SMARCD2: variants seen among roughly 807,000 people sequenced by gnomAD.
SMARCD2 encodes the protein SWI/SNF related BAF chromatin remodeling complex subunit D2, also known as SWI/SNF-related matrix-associated actin-dependent regulator of chromatin subfamily D member 2.
In SMARCD2, 39 loss-of-function variants were observed where a neutral mutation model predicts 70.4. The observed-to-expected ratio is 0.55, with a 90% CI of 0.43 to 0.72. SMARCD2 has a LOEUF of 0.72. SMARCD2 is among the 30% of genes least tolerant of loss of function. The pLI is 0.00. For synonymous variants in SMARCD2, 249 were observed against 279.4 expected (o/e 0.89, Z 1.08); for missense variants, 540 against 713.4 (o/e 0.76, Z 2.77).
In SMARCD2 at chr17:63,833,242, G is replaced by A; in HGVS notation, c.1440+56C>T. 6.2e-7 allele frequency: 1 copy of A among 1,612,860 alleles called. No homozygotes were observed. Among genetic ancestry groups the A allele is most frequent in the Non-Finnish European group, 8.5e-7 (1 of 1,178,948 alleles). On this transcript the variant is annotated intron_variant, in intron 11 of 12. Transcript: ENST00000448276. The surrounding 1 kb of genome is among the most constrained non-coding windows in gnomAD (Gnocchi z 4.3). ...GCTAATCCACCCTGGGAACTGCTGT[G>A]GGTAAAAATCACCCAGAGCTTTACA...
chr17:63,835,175 G>T (rs1445691742), intron 5 of SMARCD2: 1 of 551,174 alleles, frequency 1.8e-6, no homozygotes, highest in Non-Finnish European at 3.2e-6. Flanking sequence ...CCAGGCTGAA[G>T]TGCAGTGGTG....
Position 63,834,936 on chromosome 17 carries a change from A to AGCAGGACTCTGGGCAGACTGGAG in SMARCD2, c.724-159_724-137dup, listed in dbSNP as rs2040245960. Reference sequence around the variant, plus strand: ...AGATTCCTGGGCCCTGAAGGATGGAAGCAGGACTCTGGGCAGACTGGAGGC... The same window carrying AGCAGGACTCTGGGCAGACTGGAG: ...AGATTCCTGGGCCCTGAAGGATGGAAGCAGGACTCTGGGCAGACTGGAGGCAGGACTCTGGGCAGACTGGAGGC... On this transcript the variant is annotated intron_variant, in intron 5 of 12. Transcript: ENST00000448276. This position sits in a 1 kb window ranked among gnomAD's most constrained non-coding sequence, Gnocchi z 5.6. The AGCAGGACTCTGGGCAGACTGGAG allele has an allele frequency of 9.3e-5, 62 of 664,720 alleles. No homozygotes were observed. In the South Asian group the frequency reaches 1.1e-3, roughly 12 times the overall value. The allele number at this position is 664,720 out of a possible 1,614,324, so 41.2% of individuals were successfully genotyped here. A position where few individuals can be genotyped will look rare whatever the true frequency, so the allele number is the denominator to read the frequency against.
At position 63,832,838 on chromosome 17, in the gene SMARCD2, G is replaced by T; in HGVS notation, c.*100C>A. 1.0e-6 allele frequency: 1 copy of T among 955,136 alleles called. No homozygotes were observed. Among genetic ancestry groups the T allele is most frequent in the Non-Finnish European group, 1.7e-6 (1 of 605,614 alleles). The allele number at this position is 955,136 out of a possible 1,614,324, so 59.2% of individuals were successfully genotyped here. On this transcript the variant is annotated 3_prime_UTR_variant, in exon 13 of 13. Coordinates refer to ENST00000448276, the MANE Select transcript of SMARCD2 (RefSeq NM_001098426.2). ...AGCTGGAGAGTAGAGGGTGACAGCA[G>T]ACACTCCTCACCCCAGCCTACGTGT...
intron 1 of SMARCD2, chr17:63,838,655 C>A: frequency 6.7e-7 from 1 of 1,482,266 alleles, no homozygotes; most frequent in South Asian, 1.3e-5. Context: ...ATCTGGGAGT[C>A]ACCTCCACCC....
At chr17:63,842,394 A>G (rs1904503457) in intron 1 of SMARCD2, 65 bp downstream of exon 1, 3 of 1,268,326 alleles carry the variant, frequency 2.4e-6, no homozygotes, top group Admixed American at 4.1e-5. Context: ...AGGCCCCTTC[A>G]GCCGCCGGCC....
rs796896866 is a variant in SMARCD2, at chr17:63,832,493, G to C, written c.*445C>G. 6 of 214,420 alleles carry C rather than the reference G, an allele frequency of 2.8e-5. No individual in the cohort carries two copies. Among genetic ancestry groups the C allele is most frequent in the African/African-American group, 1.2e-4 (5 of 43,028 alleles). The allele number at this position is 214,420 out of a possible 1,614,324, so 13.3% of individuals were successfully genotyped here. A position where few individuals can be genotyped will look rare whatever the true frequency, so the allele number is the denominator to read the frequency against. On this transcript the variant is annotated 3_prime_UTR_variant, in exon 13 of 13. Transcript: ENST00000448276. ...AGGAAAGGAAAAAACCAGCAGCAAG[G>C]CTGGGCTTGTAGGAATGGCAAAGAA...
In SMARCD2 at chr17:63,834,980, TGC is replaced by T. The variant is rs1244906883; in HGVS notation, c.724-182_724-181del. ...TGGAGGCAGGGAAATGGTGCCCTCT[TGC>T]AGCCCACGAGGGACTTCCTCGAGAC... On this transcript the variant is annotated intron_variant, in intron 5 of 12. Transcript: ENST00000448276. The surrounding 1 kb of genome is among the most constrained non-coding windows in gnomAD (Gnocchi z 5.6). 114 of 600,368 alleles carry T rather than the reference TGC, an allele frequency of 1.9e-4. No homozygotes were observed. Among genetic ancestry groups the T allele is most frequent in the Middle Eastern group, 8.8e-4 (2 of 2,272 alleles). 37.2% of individuals were successfully genotyped at this position (600,368 alleles called of 1,614,324 possible).
At position 63,832,667 on chromosome 17, in the gene SMARCD2, A is replaced by C. The variant is rs1598356340; in HGVS notation, c.*271T>G. 1.1e-5 allele frequency: 6 copies of C among 540,666 alleles called. No homozygotes were observed. The East Asian group carries it at 1.6e-4, about 14-fold the overall frequency. 33.5% of individuals were successfully genotyped at this position (540,666 alleles called of 1,614,324 possible). On this transcript the variant is annotated 3_prime_UTR_variant, in exon 13 of 13. Transcript: ENST00000448276. The stretch of plus-strand genomic sequence containing the variant: ...GGTTCGGAAATGTCTTACAATGTCA[A>C]AGCACAGCCTCCAGCAGTCCTACTT...
Position 63,833,492 on chromosome 17 carries a change from C to T in SMARCD2, c.1318-72G>A. On this transcript the variant is annotated intron_variant, in intron 10 of 12. Coordinates refer to ENST00000448276, the MANE Select transcript of SMARCD2 (RefSeq NM_001098426.2). The surrounding 1 kb of genome is among the most constrained non-coding windows in gnomAD (Gnocchi z 4.3). The stretch of plus-strand genomic sequence containing the variant: ...AAGCAACTGAGCCAGAGTTCCCATC[C>T]CGTCCTCCAGGTGCTACATGTATGG... 1 of 1,609,410 alleles carries T rather than the reference C, an allele frequency of 6.2e-7. No homozygotes were observed. Among genetic ancestry groups the T allele is most frequent in the South Asian group, 1.1e-5 (1 of 90,708 alleles).
chr17:63,842,517 C>G lies in SMARCD2; in HGVS notation c.158G>C (p.Gly53Ala). ...RGPGPAGGVGGPGAAAFRPMG... is the reference protein window; with the variant it reads ...RGPGPAGGVGAPGAAAFRPMG... ...GGGGCGGAAGGCGGCGGCCCCGGGG[C>G]CCCCCACGCCTCCTGCCGGACCCGG... Residue 53 changes from glycine to alanine, a missense_variant, in exon 1 of 13, where the codon GGC (glycine) becomes GCC (alanine). Transcript: ENST00000448276. 1 of 1,224,074 alleles carries G rather than the reference C, an allele frequency of 8.2e-7. No individual in the cohort carries two copies. Among genetic ancestry groups the G allele is most frequent in the Admixed American group, 4.4e-5 (1 of 22,866 alleles). The allele number at this position is 1,224,074 out of a possible 1,614,324, so 75.8% of individuals were successfully genotyped here.
intron 1 of SMARCD2, 129 bp downstream of exon 1, chr17:63,842,330 C>A: frequency 8.4e-7 from 1 of 1,184,700 alleles, no homozygotes; most frequent in South Asian, 2.4e-5. Flanking sequence ...GGGTCCCGGC[C>A]CGCCCTCCAC....
Position 63,833,394 on chromosome 17 carries a change from G to A in SMARCD2, c.1344C>T (p.Asn448=). ...VKIHETIESI[N]QLKTQRDFML... ...TGAAATCTCTCTGGGTCTTCAGCTG[G>A]TTGATGGACTCAATGGTCTCATGGA... Residue 448 remains asparagine, a synonymous_variant, in exon 11 of 13, where the codon AAC becomes AAT. Transcript: ENST00000448276. The surrounding 1 kb of genome is among the most constrained non-coding windows in gnomAD (Gnocchi z 4.3). 1 of 1,614,052 alleles carries A rather than the reference G, an allele frequency of 6.2e-7. No homozygotes were observed. The highest frequency in any genetic ancestry group is 8.5e-7 in the Non-Finnish European group (1 of 1,179,930).
At position 63,835,570 on chromosome 17, in the gene SMARCD2, A is replaced by G. The variant is rs2040255240; in HGVS notation, c.568-3T>C. The G allele has an allele frequency of 6.2e-6, 10 of 1,613,304 alleles. No individual in the cohort carries two copies. Among genetic ancestry groups the G allele is most frequent in the Non-Finnish European group, 8.5e-6 (10 of 1,179,612 alleles). ...TAGATCCGAAGCTTTCGCTTTTGCT[A>G]AAGAGAGAAAGGCAATCACAACTGG... On this transcript the variant is annotated splice_region_variant and splice_polypyrimidine_tract_variant and intron_variant, in intron 4 of 12. Transcript: ENST00000448276.
At chr17:63,838,285 A>G (rs1004362184) in intron 1 of SMARCD2, among the ~76,000 whole-genome samples, 5 of 151,932 alleles carry the variant, frequency 3.3e-5, no homozygotes, top group Admixed American at 2.6e-4. Context: ...GGTATCACAT[A>G]GCCCCCACCC....
At chr17:63,839,443 G>A (rs2144637877) in intron 1 of SMARCD2, among the ~76,000 whole-genome samples, 1 of 152,230 alleles carries the variant, frequency 6.6e-6, no homozygotes, top group Non-Finnish European at 1.5e-5. Flanking sequence ...ATCTGCTCCA[G>A]GTTTCCTGGG....
Position 63,837,272 on chromosome 17 carries a change from G to C in SMARCD2, c.402-35C>G. ...ACAGAAACCCACTTAAGAGGTCAATGGTCCAAAAAAGGACACTCACTCCCA... is the reference window on the plus strand; with the variant it reads ...ACAGAAACCCACTTAAGAGGTCAATCGTCCAAAAAAGGACACTCACTCCCA... On this transcript the variant is annotated intron_variant, in intron 2 of 12. Coordinates refer to ENST00000448276, the MANE Select transcript of SMARCD2 (RefSeq NM_001098426.2). This position sits in a 1 kb window ranked among gnomAD's most constrained non-coding sequence, Gnocchi z 6.4. The C allele has an allele frequency of 6.2e-7, 1 of 1,608,966 alleles. No homozygotes were observed. The highest frequency in any genetic ancestry group is 8.5e-7 in the Non-Finnish European group (1 of 1,175,494).
intron 1 of SMARCD2, among the ~76,000 whole-genome samples, chr17:63,842,167 C>A (rs2144642369): frequency 6.6e-6 from 1 of 152,302 alleles, no homozygotes; most frequent in Admixed American, 6.5e-5. Flanking sequence ...AACCCACCCG[C>A]CACAATTCAC....
chr17:63,839,032 G>T (rs923131667), intron 1 of SMARCD2: 8 of 985,094 alleles, frequency 8.1e-6, no homozygotes, highest in Non-Finnish European at 8.4e-6. Flanking sequence ...AGTTCAAAGT[G>T]GGGGGCTCTG....
In SMARCD2 at chr17:63,833,299, T is replaced by TCA; in HGVS notation, c.1438_1439insTG (p.Lys480MetfsTer7). The TCA allele has an allele frequency of 1.2e-6, 2 of 1,613,856 alleles. No homozygotes were observed. Among genetic ancestry groups the TCA allele is most frequent in the Non-Finnish European group, 1.7e-6 (2 of 1,179,846 alleles). Reference sequence around the variant, plus strand: ...TCCCCTCGGGAAAGAGGACTACACCTTGAGGTCTCGGCGCTGGGAACGGAG... The same window carrying TCA: ...TCCCCTCGGGAAAGAGGACTACACCTCATGAGGTCTCGGCGCTGGGAACGGAG... On this transcript the variant is annotated frameshift_variant and splice_region_variant, in exon 11 of 13. Coordinates refer to ENST00000448276, the MANE Select transcript of SMARCD2 (RefSeq NM_001098426.2). LOFTEE classifies it high-confidence loss of function. The surrounding 1 kb of genome is among the most constrained non-coding windows in gnomAD (Gnocchi z 4.3).
Sources: gnomAD v4.1 joint callset for allele counts (sites outside exome capture counted in the v4.1 genomes callset) on GRCh38, gnomAD v4.1.1 for gene constraint, Gnocchi (gnomAD v3.1) non-coding constraint, MANE v1.5 for transcripts, NCBI Gene and HGNC (gene_info 2026-07-23, HGNC 2026-07-21) for gene names.